The following TSG101 variants were observed in gnomAD, a reference collection of about 807,000 sequenced individuals.
The protein encoded by TSG101 is tumor susceptibility 101, also known as tumor susceptibility gene 101 protein.
TSG101 carries 19 observed loss-of-function variants against 48.5 expected under a neutral mutation model. The ratio of observed to expected loss-of-function variants is 0.39; its 90% CI spans 0.27 to 0.58. The LOEUF (loss-of-function observed/expected upper bound fraction) is 0.58. Ranked by LOEUF, TSG101 falls within the 20% of genes least tolerant of loss-of-function variation. The probability of loss-of-function intolerance (pLI) is 0.55; values close to 1 mark genes in which losing one functional copy is unlikely to be tolerated. For synonymous variants in TSG101, 174 were observed against 169.4 expected, an observed-to-expected ratio of 1.03 and a Z score of -0.21; for missense variants, 365 against 484.4, an observed-to-expected ratio of 0.75 and a Z score of 2.31.
chr11:18,509,633 G>C lies in TSG101; in HGVS notation c.390C>G (p.Val130=), dbSNP rs980681786. The C allele has an allele frequency of 6.2e-7, 1 of 1,613,224 alleles. No individual in the cohort carries two copies. Among genetic ancestry groups the C allele is most frequent in the Non-Finnish European group, 8.5e-7 (1 of 1,179,548 alleles). The change falls in exon 5 of 10, where the codon GTC becomes GTG. Residue 130 remains valine (V), a synonymous_variant. Coordinates refer to ENST00000251968, the MANE Select transcript of TSG101 (RefSeq NM_006292.4). ...PQSDLLGLIQ[V]MIVVFGDEPP... ...GTTCATCTCCAAATACCACAATCAT[G>C]ACCTGAATAAGCCCCAACAAGTCTG...
Position 18,481,773 on chromosome 11 carries a change from T to C in TSG101, c.940A>G (p.Ile314Val). ...GCTGTGGGAATGATAACTTCATCGA[T>C]ATCATTGTTTTCAGACTGATTTTCC... ...KMENQSENNDIDEVIIPTAPL... is the reference protein window; with the variant it reads ...KMENQSENNDVDEVIIPTAPL... The change falls in exon 9 of 10, where the codon ATC becomes GTC. Residue 314 changes from isoleucine (I) to valine (V), a missense_variant. Ile to Val is a conservative substitution (Grantham distance 29, BLOSUM62 3). Transcript: ENST00000251968. The C allele has an allele frequency of 2.5e-6, 4 of 1,614,208 alleles. No homozygotes were observed. The highest frequency in any genetic ancestry group is 3.4e-6 in the Non-Finnish European group (4 of 1,180,028).
rs2133898593 is a variant in TSG101 at position 18,480,316 on chromosome 11, C to T, written c.*230G>A. ...TCCAATAAAGGAGAGAAAAATTATG[C>T]AACAAATTTTATTTAGCAGTCCCAA... is the stretch of plus-strand genomic sequence containing the variant. On this transcript the variant is annotated 3_prime_UTR_variant, in exon 10 of 10. Transcript: ENST00000251968. 5.8e-6 allele frequency: 2 copies of T among 342,186 alleles called. No homozygotes were observed. The highest frequency in any genetic ancestry group is 8.6e-4 in the Middle Eastern group (1 of 1,166). The allele number at this position is 342,186 out of a possible 1,614,324, so 21.2% of individuals were successfully genotyped here. A position where few individuals can be genotyped will look rare whatever the true frequency, so the allele number is the denominator to read the frequency against.
Position 18,481,796 on chromosome 11 carries a change from T to G in TSG101, c.917A>C (p.Glu306Ala). ...EELSSALEKMENQSENNDIDE... is the reference protein window; with the variant it reads ...EELSSALEKMANQSENNDIDE... ...GATATCATTGTTTTCAGACTGATTT[T>G]CCATTTTTTCCAGAGCAGAACTGAG... The change falls in exon 9 of 10, where the codon GAA becomes GCA. Residue 306 changes from glutamate to alanine, a missense_variant. By Grantham distance (107) the Glu-to-Ala change is moderately radical. Transcript: ENST00000251968. 6.2e-7 allele frequency: 1 copy of G among 1,614,178 alleles called. No homozygotes were observed. The highest frequency in any genetic ancestry group is 8.5e-7 in the Non-Finnish European group (1 of 1,180,024).
intron 7 of TSG101, among the ~76,000 whole-genome samples, chr11:18,494,589 C>A (rs1335291931): frequency 1.3e-5 from 2 of 152,200 alleles, no homozygotes; most frequent in Non-Finnish European, 2.9e-5. Flanking sequence ...TAACATTTAG[C>A]AGACTAAACT....
Position 18,510,278 on chromosome 11 carries a change from G to A in TSG101, c.358-613C>T, listed in dbSNP as rs552193139. Among the ~76,000 whole-genome samples, 9 of 152,064 alleles carry A rather than the reference G, an allele frequency of 5.9e-5. No homozygotes were observed. In the East Asian group the frequency reaches 9.7e-4, roughly 16 times the overall value. On this transcript the variant is annotated intron_variant, in intron 4 of 9. Transcript: ENST00000251968. ...TCTACTAAAAACACAAAAATTAGCC[G>A]GGTGTGGTGATGTGCGTCTATGGTC...
In TSG101 at chr11:18,480,321, A is replaced by G. The variant is rs1182371965; in HGVS notation, c.*225T>C. The G allele has an allele frequency of 5.7e-6, 2 of 352,452 alleles. No homozygotes were observed. 21.8% of individuals were successfully genotyped at this position (352,452 alleles called of 1,614,324 possible). On this transcript the variant is annotated 3_prime_UTR_variant, in exon 10 of 10. Coordinates refer to ENST00000251968, the MANE Select transcript of TSG101 (RefSeq NM_006292.4). Reference sequence around the variant, plus strand: ...TAAAGGAGAGAAAAATTATGCAACAAATTTTATTTAGCAGTCCCAACATTC... The same window carrying G: ...TAAAGGAGAGAAAAATTATGCAACAGATTTTATTTAGCAGTCCCAACATTC...
intron 1 of TSG101, among the ~76,000 whole-genome samples, chr11:18,521,386 T>TTTTA (rs1850271692): frequency 6.9e-6 from 1 of 144,240 alleles, no homozygotes; most frequent in Non-Finnish European, 1.5e-5. Flanking sequence ...TTTTTTTTTT[T>TTTTA]GAGATAGGGT....
chr11:18,509,910 CAT>C (rs904070675), intron 4 of TSG101, among the ~76,000 whole-genome samples: 1 of 152,104 alleles, frequency 6.6e-6, no homozygotes, highest in African/African-American at 2.4e-5. Context: ...TTGCAAAATT[CAT>C]AGAGTTTTGT....
intron 7 of TSG101, among the ~76,000 whole-genome samples, chr11:18,497,121 A>G (rs1849796381): frequency 6.6e-6 from 1 of 152,112 alleles, no homozygotes; most frequent in Non-Finnish European, 1.5e-5. Flanking sequence ...ACAAGGATAA[A>G]TAACCAAATT....
At chr11:18,498,911 G>A (rs1849826219) in intron 7 of TSG101, among the ~76,000 whole-genome samples, 1 of 152,036 alleles carries the variant, frequency 6.6e-6, no homozygotes. Context: ...CAAGAGGAAA[G>A]TGTATCAAGG....
At position 18,487,381 on chromosome 11, in the gene TSG101, G is replaced by T. The variant is rs533683319; in HGVS notation, c.641-3309C>A. On this transcript the variant is annotated intron_variant, in intron 7 of 9. Coordinates refer to ENST00000251968, the MANE Select transcript of TSG101 (RefSeq NM_006292.4). The stretch of plus-strand genomic sequence containing the variant: ...TGGACTTGCTTTGGTTTCCATTTTT[G>T]GCAGGGAGGGGAAAACTGATTTATA... Among the ~76,000 whole-genome samples the T allele has an allele frequency of 9.3e-4, 141 of 152,010 alleles. 3 individuals are homozygous for T. The South Asian group carries it at 0.028, about 31-fold the overall frequency.
intron 7 of TSG101, among the ~76,000 whole-genome samples, chr11:18,499,402 A>ATATATATATATATATT: frequency 1.8e-3 from 10 of 5,452 alleles, no homozygotes; most frequent in Non-Finnish European, 2.1e-3. Context: ...ATATATATAT[A>ATATATATATATATATT]TTTTTTTTTT....
At chr11:18,480,993 C>A (rs959934291) in intron 9 of TSG101, among the ~76,000 whole-genome samples, 1 of 152,124 alleles carries the variant, frequency 6.6e-6, no homozygotes, top group Non-Finnish European at 1.5e-5. Flanking sequence ...GGCCATTCCC[C>A]CACAGTGAGA....
intron 9 of TSG101, among the ~76,000 whole-genome samples, chr11:18,480,978 G>A (rs1035452449): frequency 5.9e-5 from 9 of 152,148 alleles, no homozygotes; most frequent in Admixed American, 5.9e-4. Context: ...TGAGGCACAT[G>A]GTTTGGCCAT....
chr11:18,507,722 G>C (rs373588196), intron 5 of TSG101: 6 of 152,042 alleles, frequency 3.9e-5, no homozygotes, highest in African/African-American at 1.2e-4. Context: ...AAATTGAATT[G>C]CAACAGTAAC....
intron 7 of TSG101, among the ~76,000 whole-genome samples, chr11:18,499,232 T>C (rs1433297262): frequency 7.3e-6 from 1 of 137,728 alleles, no homozygotes; most frequent in East Asian, 2.0e-4. Context: ...TTATATATGA[T>C]ATATAATTAT....
At chr11:18,509,692 A>G in intron 4 of TSG101, 27 bp from the exon 5 acceptor site, 1 of 1,563,214 alleles carries the variant, frequency 6.4e-7, no homozygotes, top group South Asian at 1.2e-5. Context: ...AATTCAAGTC[A>G]GCTACAGAGT....
At chr11:18,508,814 T>G (rs867078805) in intron 5 of TSG101, 4 of 143,102 alleles carry the variant, frequency 2.8e-5, no homozygotes, top group African/African-American at 1.0e-4. Context: ...ATAAACAAGT[T>G]TGGTTAATTA....
intron 1 of TSG101, among the ~76,000 whole-genome samples, chr11:18,524,896 C>T (rs1850341037): frequency 6.6e-6 from 1 of 150,742 alleles, no homozygotes; most frequent in Admixed American, 6.6e-5. Flanking sequence ...AATATACATA[C>T]ATTAAGGAAT....
Sources: allele counts gnomAD v4.1 joint callset (sites outside exome capture counted in the v4.1 genomes callset), GRCh38; gene constraint gnomAD v4.1.1; transcripts MANE v1.5; gene names NCBI Gene and HGNC (gene_info 2026-07-23, HGNC 2026-07-21).